LRRC4C: variants seen among roughly 807,000 people sequenced by gnomAD.
The protein encoded by LRRC4C is leucine-rich repeat-containing protein 4C.
A neutral mutation model predicts 33.6 loss-of-function variants in LRRC4C; 5 were observed. That is an observed-to-expected ratio of 0.15 (90% confidence interval 0.08 to 0.31). The LOEUF (loss-of-function observed/expected upper bound fraction) is 0.31, where lower values mean the gene tolerates loss of function less well. LRRC4C is among the 10% of genes least tolerant of loss of function. LRRC4C has a pLI of 1.00. For synonymous variants in LRRC4C, 329 were observed against 302.0 expected (o/e 1.09, Z -0.93); for missense variants, 560 against 796.7 (o/e 0.70, Z 3.58).
intron 2 of LRRC4C, among the ~76,000 whole-genome samples, chr11:40,819,493 A>T (rs1194043776): frequency 1.3e-5 from 2 of 152,172 alleles, no homozygotes; most frequent in Non-Finnish European, 2.9e-5. Flanking sequence ...TGTTGGCAGC[A>T]ATGCCCACAA....
At chr11:41,171,033 G>A (rs1944953719) in intron 1 of LRRC4C, among the ~76,000 whole-genome samples, 1 of 152,022 alleles carries the variant, frequency 6.6e-6, no homozygotes, top group East Asian at 1.9e-4. Flanking sequence ...TCAGAGAAAT[G>A]CAAATCAAAA....
chr11:40,448,890 C>T (rs1951762180), intron 3 of LRRC4C, among the ~76,000 whole-genome samples: 1 of 152,206 alleles, frequency 6.6e-6, no homozygotes, highest in Non-Finnish European at 1.5e-5. Flanking sequence ...TCCTATTTCT[C>T]TACATCCCCT....
At chr11:40,453,366 A>T (rs544585554) in intron 3 of LRRC4C, among the ~76,000 whole-genome samples, 69 of 152,344 alleles carry the variant, frequency 4.5e-4, no homozygotes, top group African/African-American at 1.6e-3. Context: ...TGGAAAATCT[A>T]AATTGTCCGA....
At chr11:40,721,192 AT>A (rs1353110547) in intron 2 of LRRC4C, among the ~76,000 whole-genome samples, 1 of 152,134 alleles carries the variant, frequency 6.6e-6, no homozygotes, top group Admixed American at 6.5e-5. Flanking sequence ...GTGCGGTGGA[AT>A]TTGAAGATAA....
intron 1 of LRRC4C, among the ~76,000 whole-genome samples, chr11:40,956,471 T>C (rs113467078): frequency 6.6e-5 from 10 of 151,770 alleles, no homozygotes; most frequent in Non-Finnish European, 1.5e-5. Context: ...AGATCTGCTA[T>C]GTATTTACCA....
chr11:40,470,607 C>G (rs1249509540), intron 3 of LRRC4C, among the ~76,000 whole-genome samples: 1 of 152,152 alleles, frequency 6.6e-6, no homozygotes, highest in African/African-American at 2.4e-5. Context: ...GGAGCATGTT[C>G]TAACCCAATG....
chr11:40,501,470 C>A (rs530695188), intron 3 of LRRC4C, among the ~76,000 whole-genome samples: 5 of 152,350 alleles, frequency 3.3e-5, no homozygotes, highest in African/African-American at 9.6e-5. Context: ...TGATGCCATA[C>A]ATCCTCTGAA....
chr11:40,477,597 T>C (rs1224232156), intron 3 of LRRC4C, among the ~76,000 whole-genome samples: 1 of 152,186 alleles, frequency 6.6e-6, no homozygotes, highest in Non-Finnish European at 1.5e-5. Flanking sequence ...TTAAATATGG[T>C]TTGATTTCCT....
chr11:40,507,244 G>C (rs1201341048), intron 3 of LRRC4C, among the ~76,000 whole-genome samples: 1 of 151,912 alleles, frequency 6.6e-6, no homozygotes, highest in African/African-American at 2.4e-5. Flanking sequence ...CATATGATTA[G>C]ACAAAATATC....
At chr11:40,650,865 T>C (rs996208188) in intron 2 of LRRC4C, among the ~76,000 whole-genome samples, 2 of 152,164 alleles carry the variant, frequency 1.3e-5, no homozygotes, top group Non-Finnish European at 2.9e-5. Context: ...CACCCATTAA[T>C]GCCCTCTTGT....
chr11:41,359,264 G>A (rs917259806), intron 1 of LRRC4C, among the ~76,000 whole-genome samples: 2 of 152,144 alleles, frequency 1.3e-5, no homozygotes, highest in Admixed American at 6.5e-5. Flanking sequence ...AATTATAATG[G>A]TGGATACATG....
At chr11:41,254,247 T>C (rs983574060) in intron 1 of LRRC4C, among the ~76,000 whole-genome samples, 6 of 152,058 alleles carry the variant, frequency 3.9e-5, no homozygotes, top group South Asian at 2.1e-4. Flanking sequence ...GGTTTGTACA[T>C]AGAATCAAGA....
At chr11:40,462,498 C>T (rs58142426) in intron 3 of LRRC4C, among the ~76,000 whole-genome samples, 6,181 of 152,086 alleles carry the variant, frequency 0.041, 402 homozygotes, top group African/African-American at 0.14. Context: ...AACAAAACTT[C>T]ATTGAGTCTT....
chr11:41,199,527 G>A (rs1946319570), intron 1 of LRRC4C, among the ~76,000 whole-genome samples: 1 of 152,124 alleles, frequency 6.6e-6, no homozygotes, highest in Non-Finnish European at 1.5e-5. Flanking sequence ...GGATTTTGTA[G>A]GCTATGGTAA....
chr11:40,950,806 A>G (rs1958659293), intron 1 of LRRC4C, among the ~76,000 whole-genome samples: 2 of 152,040 alleles, frequency 1.3e-5, no homozygotes. Context: ...AGACACATTT[A>G]CACATATGGA....
Position 40,872,075 on chromosome 11 carries a change from T to C in LRRC4C, c.-407+61560A>G, listed in dbSNP as rs544914971. 1.8e-4 allele frequency among the ~76,000 whole-genome samples: 27 copies of C among 152,272 alleles called. No individual in the cohort carries two copies. The East Asian group carries it at 5.2e-3, about 30-fold the overall frequency. On this transcript the variant is annotated intron_variant, in intron 2 of 6. Transcript: ENST00000528697. ...AGATAAGAGCCACAAGGTCATTTAC[T>C]ACTCTAAACGAGTTTCCTGTGTGAA... is the stretch of plus-strand genomic sequence containing the variant.
intron 1 of LRRC4C, among the ~76,000 whole-genome samples, chr11:41,452,057 A>G (rs1412286089): frequency 1.3e-5 from 2 of 152,072 alleles, no homozygotes; most frequent in Admixed American, 1.3e-4. Flanking sequence ...CACTTCACAC[A>G]TATTTTTTAC....
intron 3 of LRRC4C, among the ~76,000 whole-genome samples, chr11:40,575,146 C>T (rs1958138336): frequency 6.6e-6 from 1 of 152,084 alleles, no homozygotes. Context: ...AAAGCAAATA[C>T]AATACAGCTT....
At chr11:40,842,568 T>C (rs1565123214) in intron 2 of LRRC4C, among the ~76,000 whole-genome samples, 1 of 152,122 alleles carries the variant, frequency 6.6e-6, no homozygotes, top group Non-Finnish European at 1.5e-5. Flanking sequence ...ATCTACTCTT[T>C]TAGCAAGTTT....
Sources: gnomAD v4.1 joint callset for allele counts (sites outside exome capture counted in the v4.1 genomes callset) on GRCh38, gnomAD v4.1.1 for gene constraint, MANE v1.5 for transcripts, NCBI Gene and HGNC (gene_info 2026-07-23, HGNC 2026-07-21) for gene names.